CNTNAP4: variants seen among roughly 807,000 people sequenced by gnomAD.
CNTNAP4 encodes the protein contactin-associated protein-like 4.
CNTNAP4 carries 98 observed loss-of-function variants against 148.4 expected under a neutral mutation model. That is an observed-to-expected ratio of 0.66 (90% CI 0.56 to 0.78). CNTNAP4 has a LOEUF of 0.78. Ranked by LOEUF, CNTNAP4 falls within the 30% of genes least tolerant of loss-of-function variation. The probability of loss-of-function intolerance (pLI) is 0.00; values close to 1 mark genes in which losing one functional copy is unlikely to be tolerated. For synonymous variants in CNTNAP4, 730 were observed against 565.1 expected (o/e 1.29, Z -4.14); for missense variants, 1,935 against 1,565.6 (o/e 1.24, Z -3.98).
intron 14 of CNTNAP4, among the ~76,000 whole-genome samples, chr16:76,496,532 A>C (rs917967703): frequency 2.6e-5 from 4 of 152,158 alleles, no homozygotes; most frequent in African/African-American, 9.6e-5. Flanking sequence ...AAAGTAACCA[A>C]ATGTTGGCAG....
intron 2 of CNTNAP4, among the ~76,000 whole-genome samples, chr16:76,320,447 T>C (rs1315896135): frequency 6.6e-6 from 1 of 152,190 alleles, no homozygotes; most frequent in Admixed American, 6.5e-5. Flanking sequence ...TGGGAAATTT[T>C]GCATGCTCTG....
intron 10 of CNTNAP4, among the ~76,000 whole-genome samples, chr16:76,471,197 G>A (rs886254583): frequency 2.0e-5 from 3 of 152,222 alleles, no homozygotes; most frequent in South Asian, 2.1e-4. Flanking sequence ...CAGGGACTTC[G>A]GAGAGGGGTG....
intron 2 of CNTNAP4, among the ~76,000 whole-genome samples, chr16:76,322,274 G>T (rs1962502477): frequency 1.3e-5 from 2 of 152,152 alleles, no homozygotes; most frequent in Admixed American, 1.3e-4. Context: ...TTTGGGCCTT[G>T]TCTTAAATCC....
At chr16:76,320,264 A>G (rs929031912) in intron 2 of CNTNAP4, among the ~76,000 whole-genome samples, 1 of 152,176 alleles carries the variant, frequency 6.6e-6, no homozygotes, top group Non-Finnish European at 1.5e-5. Flanking sequence ...GAACTTAGAT[A>G]ATTACCTGAG....
Position 76,560,237 on chromosome 16 carries a change from T to C in CNTNAP4, c.*1554T>C, listed in dbSNP as rs989021016. ...TCTACACCAGAAGAATCGGGAAATATGTAAATTTAGCATTACTATCATCTT... is the reference window on the plus strand; with the variant it reads ...TCTACACCAGAAGAATCGGGAAATACGTAAATTTAGCATTACTATCATCTT... On this transcript the variant is annotated 3_prime_UTR_variant, in exon 24 of 24. Coordinates refer to ENST00000611870, the MANE Select transcript of CNTNAP4 (RefSeq NM_033401.5). Among the ~76,000 whole-genome samples the C allele has an allele frequency of 6.6e-6, 1 of 152,222 alleles. No homozygotes were observed. Among genetic ancestry groups the C allele is most frequent in the South Asian group, 2.1e-4 (1 of 4,832 alleles).
chr16:76,432,197 T>G (rs963802090), intron 4 of CNTNAP4, among the ~76,000 whole-genome samples: 5 of 152,172 alleles, frequency 3.3e-5, no homozygotes, highest in Non-Finnish European at 7.3e-5. Flanking sequence ...CAGGCTCCCC[T>G]TGTGCCTAAT....
At chr16:76,537,869 T>A (rs2084278214) in intron 18 of CNTNAP4, among the ~76,000 whole-genome samples, 2 of 152,104 alleles carry the variant, frequency 1.3e-5, no homozygotes, top group Middle Eastern at 3.2e-3. Flanking sequence ...TGAACTCAGA[T>A]AAGAAAGCAT....
intron 3 of CNTNAP4, among the ~76,000 whole-genome samples, chr16:76,363,511 TAAATG>T (rs946070736): frequency 6.6e-6 from 1 of 152,004 alleles, no homozygotes; most frequent in Non-Finnish European, 1.5e-5. Context: ...GTTAAAGACT[TAAATG>T]GAAAACCTGA....
At chr16:76,403,886 T>G (rs979417607) in intron 3 of CNTNAP4, among the ~76,000 whole-genome samples, 6 of 152,208 alleles carry the variant, frequency 3.9e-5, no homozygotes, top group Non-Finnish European at 8.8e-5. Context: ...AATGAGATCA[T>G]GTCTTTTATG....
intron 11 of CNTNAP4, among the ~76,000 whole-genome samples, chr16:76,479,074 G>GTTATATAACATTATAATA (rs2081704221): frequency 6.6e-6 from 1 of 151,994 alleles, no homozygotes; most frequent in Non-Finnish European, 1.5e-5. Flanking sequence ...CACAAGATAA[G>GTTATATAACATTATAATA]TTATGACATT....
At chr16:76,549,879 A>T (rs1406008938) in intron 21 of CNTNAP4, among the ~76,000 whole-genome samples, 1 of 152,192 alleles carries the variant, frequency 6.6e-6, no homozygotes, top group African/African-American at 2.4e-5. Flanking sequence ...AAAAAGGAAG[A>T]AGGTGAAACA....
chr16:76,476,495 G>C (rs1398189375), intron 11 of CNTNAP4, among the ~76,000 whole-genome samples: 2 of 152,204 alleles, frequency 1.3e-5, no homozygotes, highest in Non-Finnish European at 2.9e-5. Context: ...ATATCCAGTA[G>C]AGACTAGATG....
intron 2 of CNTNAP4, among the ~76,000 whole-genome samples, chr16:76,334,737 C>T (rs555087692): frequency 1.3e-5 from 2 of 152,120 alleles, no homozygotes; most frequent in African/African-American, 4.8e-5. Flanking sequence ...TGTCAAAACC[C>T]ATGTATTTTT....
intron 23 of CNTNAP4, among the ~76,000 whole-genome samples, chr16:76,556,905 A>G (rs915520186): frequency 7.9e-5 from 12 of 152,228 alleles, no homozygotes; most frequent in African/African-American, 2.7e-4. Flanking sequence ...CTAATTGGCC[A>G]GGGTGAATCG....
chr16:76,464,174 C>T (rs1220025106), intron 9 of CNTNAP4, among the ~76,000 whole-genome samples: 4 of 152,170 alleles, frequency 2.6e-5, no homozygotes, highest in Non-Finnish European at 4.4e-5. Context: ...ATCCATCTTC[C>T]AAGAAGCCCA....
At chr16:76,521,521 C>A (rs375736109) in intron 16 of CNTNAP4, among the ~76,000 whole-genome samples, 1 of 152,082 alleles carries the variant, frequency 6.6e-6, no homozygotes, top group Non-Finnish European at 1.5e-5. Flanking sequence ...CTGGTAGTTT[C>A]TTGTACCAAT....
At chr16:76,397,107 C>T (rs1380311516) in intron 3 of CNTNAP4, among the ~76,000 whole-genome samples, 8 of 151,850 alleles carry the variant, frequency 5.3e-5, no homozygotes, top group Admixed American at 5.3e-4. Flanking sequence ...TGCACAAAGA[C>T]CCAGGGGCCT....
intron 2 of CNTNAP4, among the ~76,000 whole-genome samples, chr16:76,350,011 A>G (rs1965239037): frequency 2.0e-5 from 3 of 152,024 alleles, no homozygotes; most frequent in South Asian, 4.1e-4. Flanking sequence ...CTTCCCTGAA[A>G]TTTTAAGATG....
rs570921779 is a variant in CNTNAP4 at position 76,431,730 on chromosome 16, C to G, written c.538+4131C>G. Among the ~76,000 whole-genome samples the G allele has an allele frequency of 2.7e-4, 41 of 152,218 alleles. 1 individual carries two copies. Among genetic ancestry groups the G allele is most frequent in the African/African-American group, 9.9e-4 (41 of 41,558 alleles). ...TCAAAATATTCTTAGGATATTGAAT[C>G]AAGATATCTTGGTCATTGTATGTGA... On this transcript the variant is annotated intron_variant, in intron 4 of 23. Coordinates refer to ENST00000611870, the MANE Select transcript of CNTNAP4 (RefSeq NM_033401.5).
Sources: gnomAD v4.1 joint callset for allele counts (sites outside exome capture counted in the v4.1 genomes callset) on GRCh38, gnomAD v4.1.1 for gene constraint, MANE v1.5 for transcripts, NCBI Gene and HGNC (gene_info 2026-07-23, HGNC 2026-07-21) for gene names.